Variants in NRG2 observed in about 807,000 individuals in gnomAD.
NRG2 encodes the protein pro-neuregulin-2, membrane-bound isoform.
A neutral mutation model predicts 73.9 loss-of-function variants in NRG2; 27 were observed. The ratio of observed to expected loss-of-function variants is 0.37; its 90% CI spans 0.27 to 0.50. The LOEUF (loss-of-function observed/expected upper bound fraction) is 0.50. Among genes scored for constraint, NRG2 ranks in the 20% least tolerant of loss-of-function variants. The pLI is 0.96. For missense variants in NRG2, 1,126 were observed against 1,210.1 expected (o/e 0.93, Z 1.03); for synonymous variants, 532 against 541.0 (o/e 0.98, Z 0.23).
At position 139,989,950 on chromosome 5, in the gene NRG2, A is replaced by G. The variant is rs549627258; in HGVS notation, c.700+52420T>C. ...ACTACAGGTGCCCACCACCACGCCC[A>G]GCTAATTTTTTGTATTTTTAGTAGA... is the stretch of plus-strand genomic sequence containing the variant. On this transcript the variant is annotated intron_variant, in intron 1 of 9. Transcript: ENST00000361474. Among the ~76,000 whole-genome samples the G allele has an allele frequency of 1.1e-3, 161 of 149,448 alleles. 1 individual carries two copies. The highest frequency in any genetic ancestry group is 2.7e-3 in the South Asian group (13 of 4,756).
intron 1 of NRG2, among the ~76,000 whole-genome samples, chr5:139,932,263 T>TAC (rs71276337): frequency 0.14 from 21,675 of 149,508 alleles, 1,730 homozygotes; most frequent in South Asian, 0.23. Flanking sequence ...TGTGTGTGTA[T>TAC]ACACAGTGAA....
At chr5:139,991,146 G>T (rs1757597962) in intron 1 of NRG2, among the ~76,000 whole-genome samples, 1 of 151,898 alleles carries the variant, frequency 6.6e-6, no homozygotes, top group Non-Finnish European at 1.5e-5. Flanking sequence ...TGGTGTGGGG[G>T]GGTGCCTGTA....
At chr5:139,882,529 A>G (rs1006651221) in intron 2 of NRG2, among the ~76,000 whole-genome samples, 11 of 152,136 alleles carry the variant, frequency 7.2e-5, no homozygotes, top group Non-Finnish European at 1.3e-4. Flanking sequence ...TCTGTCAATT[A>G]TAATTTGTTC....
intron 1 of NRG2, among the ~76,000 whole-genome samples, chr5:139,966,939 A>G (rs1335592532): frequency 6.6e-6 from 1 of 152,230 alleles, no homozygotes; most frequent in Admixed American, 6.5e-5. Flanking sequence ...AACTGCTCAA[A>G]AAAAGGCCTG....
At chr5:139,961,118 G>A (rs141844529) in intron 1 of NRG2, among the ~76,000 whole-genome samples, 3 of 152,328 alleles carry the variant, frequency 2.0e-5, no homozygotes, top group Non-Finnish European at 2.9e-5. Flanking sequence ...ACGCTTGTAC[G>A]CTGCCGCCCA....
rs142197292 is a variant in NRG2, at chr5:139,887,344, C to T, written c.868G>A (p.Gly290Ser). 4.2e-5 allele frequency: 67 copies of T among 1,614,018 alleles called. No homozygotes were observed. The highest frequency in any genetic ancestry group is 1.1e-4 in the East Asian group (5 of 44,904). The change falls in exon 2 of 10, where the codon GGC becomes AGC. Residue 290 changes from glycine to serine, a missense_variant. By Grantham distance (56) the Gly-to-Ser change is moderately conservative. Around this residue, in one of 3 missense-constraint regions of NRG2, gnomAD observed 539 missense variants for 703.2 expected, o/e 0.77. Coordinates refer to ENST00000361474, the MANE Select transcript of NRG2 (RefSeq NM_004883.3). This position sits in a 1 kb window ranked among gnomAD's most constrained non-coding sequence, Gnocchi z 4.5. ...SRDIRIKYGN[G>S]RKNSRLQFNK... ...GACAGGCTGGATATTGCTTACCTGCCGTTGCCATATTTGATGCGAATGTCT... is the reference window on the plus strand; with the variant it reads ...GACAGGCTGGATATTGCTTACCTGCTGTTGCCATATTTGATGCGAATGTCT...
At chr5:139,877,889 T>G (rs368377215) in intron 3 of NRG2, among the ~76,000 whole-genome samples, 1 of 152,256 alleles carries the variant, frequency 6.6e-6, no homozygotes, top group South Asian at 2.1e-4. Flanking sequence ...TTTCCCCTGC[T>G]CTGCCCTGCC....
At chr5:140,031,390 C>T (rs968039508) in intron 1 of NRG2, among the ~76,000 whole-genome samples, 2 of 152,208 alleles carry the variant, frequency 1.3e-5, no homozygotes, top group Non-Finnish European at 2.9e-5. Flanking sequence ...TCCCAGAGTC[C>T]TTTAAAAGAA....
At chr5:139,926,773 T>G (rs1482385021) in intron 1 of NRG2, among the ~76,000 whole-genome samples, 1 of 152,184 alleles carries the variant, frequency 6.6e-6, no homozygotes, top group Non-Finnish European at 1.5e-5. Context: ...GTTTTCTTCT[T>G]TCCTGTTGTC....
chr5:139,867,781 T>A (rs1403957131), intron 4 of NRG2, among the ~76,000 whole-genome samples: 3 of 135,706 alleles, frequency 2.2e-5, no homozygotes, highest in African/African-American at 1.0e-4. Context: ...TGTGTGTGTG[T>A]GTGTGTGTGT....
At chr5:140,009,167 C>A (rs924297480) in intron 1 of NRG2, among the ~76,000 whole-genome samples, 29 of 152,208 alleles carry the variant, frequency 1.9e-4, no homozygotes, top group African/African-American at 7.0e-4. Flanking sequence ...AGATTCATTG[C>A]TTTTCAAAGC....
At chr5:139,982,447 C>G (rs544553847) in intron 1 of NRG2, among the ~76,000 whole-genome samples, 1 of 152,174 alleles carries the variant, frequency 6.6e-6, no homozygotes. Flanking sequence ...CAGCCCACAC[C>G]AATCTCTGCC....
intron 1 of NRG2, among the ~76,000 whole-genome samples, chr5:140,040,898 G>C (rs563475727): frequency 6.6e-6 from 1 of 152,100 alleles, no homozygotes; most frequent in Non-Finnish European, 1.5e-5. Context: ...ATGTCAGAGC[G>C]ATAAACTGCT....
chr5:139,905,683 T>TGGG (rs11301435), intron 1 of NRG2, among the ~76,000 whole-genome samples: 3 of 82,464 alleles, frequency 3.6e-5, no homozygotes, highest in African/African-American at 1.2e-4. Context: ...CCAGCTCTGG[T>TGGG]GGGGGGGGGG....
At chr5:139,955,404 G>A (rs1754545569) in intron 1 of NRG2, among the ~76,000 whole-genome samples, 1 of 152,138 alleles carries the variant, frequency 6.6e-6, no homozygotes, top group African/African-American at 2.4e-5. Flanking sequence ...ACTACAATGA[G>A]CTCAGGAAGG....
At chr5:140,001,406 A>G (rs7703099) in intron 1 of NRG2, among the ~76,000 whole-genome samples, 14,523 of 152,196 alleles carry the variant, frequency 0.095, 1,117 homozygotes, top group East Asian at 0.46. Context: ...GAAAATACAG[A>G]TCATGTCTTA....
chr5:139,929,982 C>T (rs940172745), intron 1 of NRG2, among the ~76,000 whole-genome samples: 7 of 152,336 alleles, frequency 4.6e-5, no homozygotes, highest in African/African-American at 1.4e-4. Context: ...TTCGTGATGT[C>T]ACATAGGGTA....
At chr5:139,983,837 C>A (rs1192494613) in intron 1 of NRG2, among the ~76,000 whole-genome samples, 1 of 152,096 alleles carries the variant, frequency 6.6e-6, no homozygotes, top group East Asian at 1.9e-4. Context: ...TAAAAGGATA[C>A]CTTGCCAAAA....
chr5:139,848,779 G>GGGGC, intron 9 of NRG2, 82 bp from the exon 10 acceptor site: 4 of 198,594 alleles, frequency 2.0e-5, no homozygotes, highest in Admixed American at 7.0e-5. Flanking sequence ...GGTAGGGTGG[G>GGGGC]AGGGGCGGAC....
Sources: allele counts gnomAD v4.1 joint callset (sites outside exome capture counted in the v4.1 genomes callset), GRCh38; gene constraint gnomAD v4.1.1; regional missense constraint gnomAD v4.1.1; non-coding constraint Gnocchi (gnomAD v3.1); transcripts MANE v1.5; gene names NCBI Gene and HGNC (gene_info 2026-07-23, HGNC 2026-07-21).